The following VANGL2 variants were observed in gnomAD, a reference collection of about 807,000 sequenced individuals.
VANGL2 encodes vang-like protein 2.
In VANGL2, 14 loss-of-function variants were observed where a neutral mutation model predicts 50.2. That is an observed-to-expected ratio of 0.28 (90% CI 0.18 to 0.44). VANGL2 has a LOEUF of 0.44. Among genes scored for constraint, VANGL2 ranks in the 20% least tolerant of loss-of-function variants. The pLI is 1.00. For missense variants in VANGL2, 533 were observed against 701.5 expected, an observed-to-expected ratio of 0.76 and a Z score of 2.71; for synonymous variants, 295 against 297.2, an observed-to-expected ratio of 0.99 and a Z score of 0.08.
chr1:160,423,740 G>A (rs1226747701), intron 6 of VANGL2, among the ~76,000 whole-genome samples: 2 of 152,190 alleles, frequency 1.3e-5, no homozygotes, highest in African/African-American at 4.8e-5. Flanking sequence ...TATGATTTGG[G>A]GGTCTTATTT....
intron 3 of VANGL2, among the ~76,000 whole-genome samples, chr1:160,416,845 A>T (rs947360737): frequency 6.6e-6 from 1 of 152,094 alleles, no homozygotes; most frequent in Non-Finnish European, 1.5e-5. Context: ...TTTAGGTGAC[A>T]CTGAGGTTGC....
chr1:160,420,314 T>C, intron 4 of VANGL2, 97 bp from the exon 5 acceptor site: 3 of 1,512,564 alleles, frequency 2.0e-6, no homozygotes, highest in Non-Finnish European at 2.7e-6. Context: ...CTGTCCTGTG[T>C]CCTCTCCTGC....
At chr1:160,411,445 C>T (rs1371677842) in intron 1 of VANGL2, among the ~76,000 whole-genome samples, 1 of 151,918 alleles carries the variant, frequency 6.6e-6, no homozygotes, top group Non-Finnish European at 1.5e-5. Flanking sequence ...ACCCTCCAAA[C>T]CCCTGATCCC....
intron 3 of VANGL2, among the ~76,000 whole-genome samples, chr1:160,417,031 C>T (rs983034581): frequency 6.6e-6 from 1 of 152,176 alleles, no homozygotes; most frequent in Non-Finnish European, 1.5e-5. Context: ...GGGGCCTGGC[C>T]TCCTGAGTTC....
At position 160,419,452 on chromosome 1, in the gene VANGL2, G is replaced by A. The variant is rs1277141444; in HGVS notation, c.643G>A (p.Val215Met). The A allele has an allele frequency of 2.5e-6, 4 of 1,610,230 alleles. No homozygotes were observed. The African/African-American group carries it at 4.0e-5, about 16-fold the overall frequency. ...LDARERSYQG[V>M]VQFAVSLVDA... Reference sequence around the variant, plus strand: ...TGCTCGGGAGCGCAGCTACCAGGGCGTGGTGCAGTTCGCCGTGTCGCTGGT... The same window carrying A: ...TGCTCGGGAGCGCAGCTACCAGGGCATGGTGCAGTTCGCCGTGTCGCTGGT... Residue 215 changes from valine to methionine, a missense_variant, in exon 4 of 8, where the codon GTG (valine) becomes ATG (methionine). Transcript: ENST00000368061. This position sits in a 1 kb window ranked among gnomAD's most constrained non-coding sequence, Gnocchi z 5.8.
chr1:160,410,116 C>A (rs570134606), intron 1 of VANGL2, among the ~76,000 whole-genome samples: 1 of 152,268 alleles, frequency 6.6e-6, no homozygotes, highest in South Asian at 2.1e-4. Context: ...CAGGCAGAAC[C>A]ACCCTTCCCT....
chr1:160,417,209 A>T (rs991546600), intron 3 of VANGL2, among the ~76,000 whole-genome samples: 2 of 152,150 alleles, frequency 1.3e-5, no homozygotes, highest in African/African-American at 4.8e-5. Flanking sequence ...TCTTCACATC[A>T]GACTCGTTCC....
chr1:160,414,951 C>T (rs977194179), intron 1 of VANGL2, among the ~76,000 whole-genome samples: 1 of 152,110 alleles, frequency 6.6e-6, no homozygotes, highest in African/African-American at 2.4e-5. Flanking sequence ...TTGTGCCTTG[C>T]CTGTTTCAGA....
rs1036774931 is a variant in VANGL2 at position 160,425,357 on chromosome 1, G to A, written c.1545G>A (p.Leu515=). 1 of 1,495,870 alleles carries A rather than the reference G, an allele frequency of 6.7e-7. No homozygotes were observed. Among genetic ancestry groups the A allele is most frequent in the Non-Finnish European group, 9.0e-7 (1 of 1,109,332 alleles). 92.7% of individuals were successfully genotyped at this position (1,495,870 alleles called of 1,614,324 possible). A position where few individuals can be genotyped will look rare whatever the true frequency, so the allele number is the denominator to read the frequency against. ...AGTCACACAAGTTTGTCATGAGGCTGCAGTCTGAGACCTCAGTGTGACTGT... is the reference window on the plus strand; with the variant it reads ...AGTCACACAAGTTTGTCATGAGGCTACAGTCTGAGACCTCAGTGTGACTGT... The part of the protein sequence containing the change: ...DPKSHKFVMR[L]QSETSV The change falls in exon 8 of 8, where the codon CTG becomes CTA. Residue 515 remains leucine, a synonymous_variant. Transcript: ENST00000368061.
chr1:160,402,869 G>A (rs1650522805), intron 1 of VANGL2, among the ~76,000 whole-genome samples: 1 of 151,990 alleles, frequency 6.6e-6, no homozygotes, highest in Non-Finnish European at 1.5e-5. Context: ...TAGGATACTA[G>A]CCTTCCCCCA....
At chr1:160,413,170 C>T (rs1360874820) in intron 1 of VANGL2, among the ~76,000 whole-genome samples, 1 of 152,096 alleles carries the variant, frequency 6.6e-6, no homozygotes, top group Non-Finnish European at 1.5e-5. Context: ...TGCTCTGTGC[C>T]CATGGGAGGC....
At chr1:160,401,054 G>A (rs2101939083) in intron 1 of VANGL2, among the ~76,000 whole-genome samples, 185 bp downstream of exon 1, 1 of 152,182 alleles carries the variant, frequency 6.6e-6, no homozygotes, top group South Asian at 2.1e-4. Flanking sequence ...CTTCCGGTCC[G>A]CTTCCCCACT....
Position 160,419,150 on chromosome 1 carries a change from C to T in VANGL2, c.341C>T (p.Thr114Ile), listed in dbSNP as rs1261151210. The change falls in exon 4 of 8, where the codon ACC becomes ATC. Residue 114 changes from threonine to isoleucine, a missense_variant. By Grantham distance (89) the Thr-to-Ile change is moderately conservative. Coordinates refer to ENST00000368061, the MANE Select transcript of VANGL2 (RefSeq NM_020335.3). This position sits in a 1 kb window ranked among gnomAD's most constrained non-coding sequence, Gnocchi z 5.8. ...SRHLGVAAGA[T>I]LALLSFLTPL... ...CACCTGGGTGTGGCAGCGGGGGCCA[C>T]CCTGGCACTGCTGTCTTTCCTCACG... The T allele has an allele frequency of 8.1e-6, 13 of 1,614,134 alleles. No homozygotes were observed. The highest frequency in any genetic ancestry group is 1.1e-5 in the Non-Finnish European group (13 of 1,180,022).
chr1:160,419,120 C>T lies in VANGL2; in HGVS notation c.311C>T (p.Ser104Phe), dbSNP rs1391267457. The change falls in exon 4 of 8, where the codon TCC (serine) becomes TTC (phenylalanine). Residue 104 changes from serine to phenylalanine, a missense_variant. Transcript: ENST00000368061. The surrounding 1 kb of genome is among the most constrained non-coding windows in gnomAD (Gnocchi z 5.8). The part of the protein sequence containing the change: ...DMEDSVPLDC[S>F]RHLGVAAGAT... ...GAGGACAGTGTCCCTCTGGACTGCT[C>T]CCGTCACCTGGGTGTGGCAGCGGGG... The T allele has an allele frequency of 6.2e-7, 1 of 1,614,210 alleles. No homozygotes were observed. Among genetic ancestry groups the T allele is most frequent in the Non-Finnish European group, 8.5e-7 (1 of 1,180,040 alleles).
chr1:160,414,911 G>A (rs1228473580), intron 1 of VANGL2, among the ~76,000 whole-genome samples: 5 of 152,134 alleles, frequency 3.3e-5, no homozygotes, highest in African/African-American at 9.7e-5. Context: ...AAGTATGGTT[G>A]AAGATAAGCC....
chr1:160,416,679 G>A (rs1352930895), intron 3 of VANGL2, among the ~76,000 whole-genome samples: 1 of 152,154 alleles, frequency 6.6e-6, no homozygotes, highest in African/African-American at 2.4e-5. Context: ...CAAGGGACAA[G>A]AAGTAAGGCT....
chr1:160,404,202 T>C (rs2101943629), intron 1 of VANGL2, among the ~76,000 whole-genome samples: 1 of 152,260 alleles, frequency 6.6e-6, no homozygotes, highest in African/African-American at 2.4e-5. Flanking sequence ...CCAGGCACAG[T>C]GTGAAGCACA....
chr1:160,416,757 C>T (rs1277195088), intron 3 of VANGL2, among the ~76,000 whole-genome samples: 1 of 152,108 alleles, frequency 6.6e-6, no homozygotes, highest in East Asian at 1.9e-4. Flanking sequence ...TCTATTCTAA[C>T]CTCTGCTGCC....
At chr1:160,401,818 G>A (rs1428807057) in intron 1 of VANGL2, among the ~76,000 whole-genome samples, 1 of 152,066 alleles carries the variant, frequency 6.6e-6, no homozygotes, top group Non-Finnish European at 1.5e-5. Context: ...GCAGAATGGA[G>A]TGTATGTGGA....
Sources: gnomAD v4.1 joint callset for allele counts (sites outside exome capture counted in the v4.1 genomes callset) on GRCh38, gnomAD v4.1.1 for gene constraint, Gnocchi (gnomAD v3.1) non-coding constraint, MANE v1.5 for transcripts, NCBI Gene and HGNC (gene_info 2026-07-23, HGNC 2026-07-21) for gene names.